The following PTPRD variants were observed in gnomAD, a reference collection of about 807,000 sequenced individuals.
The protein encoded by PTPRD is receptor-type tyrosine-protein phosphatase delta.
PTPRD carries 34 observed loss-of-function variants against 214.5 expected under a neutral mutation model. That is an observed-to-expected ratio of 0.16 (90% CI 0.12 to 0.21). The LOEUF is 0.21. Among genes scored for constraint, PTPRD ranks in the 10% least tolerant of loss-of-function variants. The probability of loss-of-function intolerance (pLI) is 1.00; values close to 1 mark genes in which losing one functional copy is unlikely to be tolerated. For missense variants in PTPRD, 2,545 were observed against 2,398.7 expected, an observed-to-expected ratio of 1.06 and a Z score of -1.27; for synonymous variants, 1,128 against 845.7, an observed-to-expected ratio of 1.33 and a Z score of -5.79.
chr9:10,190,549 C>T (rs913652027), intron 3 of PTPRD, among the ~76,000 whole-genome samples: 2 of 151,320 alleles, frequency 1.3e-5, no homozygotes, highest in African/African-American at 4.9e-5. Flanking sequence ...GAAACCCCAT[C>T]TCTACTAAAA....
intron 2 of PTPRD, among the ~76,000 whole-genome samples, chr9:10,560,539 C>A (rs191660639): frequency 0.011 from 1,612 of 151,816 alleles, 31 homozygotes; most frequent in African/African-American, 0.036. Flanking sequence ...GCACATGTAC[C>A]CTAAAACTTA....
chr9:9,299,863 T>C (rs1490713069), intron 9 of PTPRD, among the ~76,000 whole-genome samples: 1 of 151,278 alleles, frequency 6.6e-6, no homozygotes, highest in East Asian at 1.9e-4. Flanking sequence ...AACAAAAACT[T>C]CTTACTGATT....
At chr9:9,226,920 C>G (rs549840228) in intron 9 of PTPRD, among the ~76,000 whole-genome samples, 2 of 152,028 alleles carry the variant, frequency 1.3e-5, no homozygotes, top group African/African-American at 4.8e-5. Flanking sequence ...ATAAATATAT[C>G]TAAATTTTGT....
intron 11 of PTPRD, among the ~76,000 whole-genome samples, chr9:9,009,860 T>C (rs112968562): frequency 6.5e-4 from 99 of 152,090 alleles, no homozygotes; most frequent in African/African-American, 2.3e-3. Context: ...CTTCATAAAT[T>C]CTCTCCAAAT....
chr9:9,644,975 G>C (rs951174565), intron 7 of PTPRD, among the ~76,000 whole-genome samples: 101 of 152,284 alleles, frequency 6.6e-4, no homozygotes, highest in African/African-American at 2.4e-3. Flanking sequence ...CAAGAACCTG[G>C]TTACCAAGAG....
chr9:8,399,555 T>C (rs12338889), intron 36 of PTPRD, among the ~76,000 whole-genome samples: 1 of 148,836 alleles, frequency 6.7e-6, no homozygotes, highest in Non-Finnish European at 1.5e-5. Flanking sequence ...AAACGTGAGA[T>C]TAAACAAACA....
chr9:9,225,790 G>C (rs1363077438), intron 9 of PTPRD, among the ~76,000 whole-genome samples: 1 of 151,986 alleles, frequency 6.6e-6, no homozygotes, highest in East Asian at 1.9e-4. Flanking sequence ...CAGAACACAA[G>C]AAGAGGAGAA....
Position 10,279,738 on chromosome 9 carries a change from G to A in PTPRD, c.-545+61225C>T, listed in dbSNP as rs372452495. Among the ~76,000 whole-genome samples, 56 of 151,314 alleles carry A rather than the reference G, an allele frequency of 3.7e-4. No individual in the cohort carries two copies. The East Asian group carries it at 8.4e-3, about 23-fold the overall frequency. On this transcript the variant is annotated intron_variant, in intron 3 of 45. Transcript: ENST00000381196. ...AAAAAAAAAAGCCTTTCCTCTGAGC[G>A]ACAGTTAAAATGTCAAGCTTTCAGA... is the stretch of plus-strand genomic sequence containing the variant.
intron 3 of PTPRD, among the ~76,000 whole-genome samples, chr9:10,035,567 G>C (rs1303513628): frequency 6.6e-6 from 1 of 151,910 alleles, no homozygotes; most frequent in Non-Finnish European, 1.5e-5. Flanking sequence ...ATAGTTTTAG[G>C]TTTTACATTT....
chr9:10,080,739 C>G (rs561942002), intron 3 of PTPRD, among the ~76,000 whole-genome samples: 9 of 152,152 alleles, frequency 5.9e-5, no homozygotes, highest in African/African-American at 1.9e-4. Context: ...ACTCCTACTC[C>G]TTAGCTAGGG....
chr9:8,323,412 G>C (rs1305799061), intron 44 of PTPRD, among the ~76,000 whole-genome samples: 1 of 152,120 alleles, frequency 6.6e-6, no homozygotes, highest in South Asian at 2.1e-4. Context: ...TCTCTGATAG[G>C]TCTGGGCAAA....
intron 9 of PTPRD, among the ~76,000 whole-genome samples, chr9:9,301,630 C>G (rs146252547): frequency 6.6e-6 from 1 of 151,710 alleles, no homozygotes; most frequent in African/African-American, 2.4e-5. Flanking sequence ...TTACTGAAGC[C>G]GACTTTTGAT....
chr9:9,941,266 C>T (rs2091383501), intron 4 of PTPRD, among the ~76,000 whole-genome samples: 1 of 152,116 alleles, frequency 6.6e-6, no homozygotes, highest in Non-Finnish European at 1.5e-5. Flanking sequence ...GATTTGTATG[C>T]TCAAAAGGTG....
chr9:8,647,603 T>G (rs2096722656), intron 12 of PTPRD, among the ~76,000 whole-genome samples: 1 of 152,204 alleles, frequency 6.6e-6, no homozygotes, highest in Non-Finnish European at 1.5e-5. Context: ...TGTAATCATA[T>G]CTTTGCACAT....
At position 9,967,849 on chromosome 9, in the gene PTPRD, A is replaced by T. The variant is rs2094815159; in HGVS notation, c.-471-29239T>A. 2.0e-5 allele frequency among the ~76,000 whole-genome samples: 3 copies of T among 152,196 alleles called. No individual in the cohort carries two copies. In the South Asian group the frequency reaches 6.2e-4, roughly 31 times the overall value. ...TCCTTTTAAGCATACCATACCTGAG[A>T]AATAGCAAAAATTAATAGGTTTTAC... On this transcript the variant is annotated intron_variant, in intron 4 of 45. Transcript: ENST00000381196.
intron 8 of PTPRD, among the ~76,000 whole-genome samples, chr9:9,538,211 G>C (rs1312171787): frequency 1.3e-5 from 2 of 151,802 alleles, no homozygotes; most frequent in African/African-American, 2.4e-5. Context: ...AGCAGTGAAA[G>C]AATAGACTTT....
At chr9:8,472,281 C>G (rs965622828) in intron 30 of PTPRD, among the ~76,000 whole-genome samples, 1 of 152,096 alleles carries the variant, frequency 6.6e-6, no homozygotes, top group African/African-American at 2.4e-5. Context: ...CACACACACA[C>G]GGACCTAAAC....
intron 9 of PTPRD, among the ~76,000 whole-genome samples, chr9:9,304,513 G>A (rs1021275683): frequency 2.6e-5 from 4 of 151,962 alleles, no homozygotes; most frequent in African/African-American, 7.2e-5. Context: ...TTAAGGATGT[G>A]GAACTTGGAG....
In PTPRD at chr9:9,561,689, G is replaced by C. The variant is rs189078914; in HGVS notation, c.-237+13043C>G. Among the ~76,000 whole-genome samples the C allele has an allele frequency of 2.6e-5, 4 of 152,278 alleles. No individual in the cohort carries two copies. The East Asian group carries it at 7.7e-4, about 29-fold the overall frequency. ...CTCTTACTTTCCAAACAAAAGAAGG[G>C]TACTAATTTATAAAACATCCGTGTT... On this transcript the variant is annotated intron_variant, in intron 8 of 45. Coordinates refer to ENST00000381196, the MANE Select transcript of PTPRD (RefSeq NM_002839.4).
Sources: gnomAD v4.1 joint callset for allele counts (sites outside exome capture counted in the v4.1 genomes callset) on GRCh38, gnomAD v4.1.1 for gene constraint, MANE v1.5 for transcripts, NCBI Gene and HGNC (gene_info 2026-07-23, HGNC 2026-07-21) for gene names.